Variants in CYP2J2 observed in about 807,000 individuals in gnomAD.
CYP2J2 encodes cytochrome P450 2J2.
CYP2J2 carries 41 observed loss-of-function variants against 48.8 expected under a neutral mutation model. The ratio of observed to expected loss-of-function variants is 0.84; its 90% CI spans 0.66 to 1.09. CYP2J2 has a LOEUF of 1.09. Among genes scored for constraint, CYP2J2 ranks in the 50% least tolerant of loss-of-function variants. The pLI is 0.00. For missense variants in CYP2J2, 644 were observed against 617.3 expected, an observed-to-expected ratio of 1.04 and a Z score of -0.46; for synonymous variants, 221 against 227.1, an observed-to-expected ratio of 0.97 and a Z score of 0.24.
the CYP2J2 span, among the ~76,000 whole-genome samples, chr1:59,953,239 G>T: frequency 1.5e-3 from 230 of 152,106 alleles, no homozygotes; most frequent in Non-Finnish European, 2.5e-3. Flanking sequence ...TCTAAATAAG[G>T]CTTGTGATTG....
At chr1:59,898,141 A>G (rs983882014) in intron 8 of CYP2J2, among the ~76,000 whole-genome samples, 1 of 152,198 alleles carries the variant, frequency 6.6e-6, no homozygotes, top group African/African-American at 2.4e-5. Context: ...GATCCACATC[A>G]TTTGCAATGC....
the CYP2J2 span, among the ~76,000 whole-genome samples, chr1:59,954,908 G>A: frequency 6.6e-6 from 1 of 151,982 alleles, no homozygotes; most frequent in South Asian, 2.1e-4. Context: ...AGGATGAGGT[G>A]GGCGGATCAC....
At chr1:59,942,418 C>T in the CYP2J2 span, among the ~76,000 whole-genome samples, 1 of 151,994 alleles carries the variant, frequency 6.6e-6, no homozygotes, top group African/African-American at 2.4e-5. Flanking sequence ...AGAATCTTGG[C>T]ATATTCCTGT....
At chr1:59,896,320 CACACCAAGTATATATATATATAT>C (rs1409816109) in intron 8 of CYP2J2, among the ~76,000 whole-genome samples, 1 of 149,758 alleles carries the variant, frequency 6.7e-6, no homozygotes, top group East Asian at 1.9e-4. Flanking sequence ...TATATATATA[CACACCAAGTATATATATATATAT>C]ACACCAAATA....
intron 1 of CYP2J2, 21 bp from the exon 2 acceptor site, chr1:59,916,121 A>T (rs1228787918): frequency 1.2e-6 from 2 of 1,600,960 alleles, no homozygotes; most frequent in South Asian, 2.2e-5. Context: ...GTTAAATCGT[A>T]ACAGTTGAAT....
Position 59,912,386 on chromosome 1 carries a change from G to C in CYP2J2, c.374-75C>G. Reference sequence around the variant, plus strand: ...TATCCAGCAAATGATATGGGAATGTGTATCAGATGAAGGACAGGAGAAGAT... The same window carrying C: ...TATCCAGCAAATGATATGGGAATGTCTATCAGATGAAGGACAGGAGAAGAT... On this transcript the variant is annotated intron_variant, in intron 2 of 8. Transcript: ENST00000371204. 2.0e-6 allele frequency: 3 copies of C among 1,474,834 alleles called. No homozygotes were observed. The South Asian group carries it at 3.9e-5, about 19-fold the overall frequency. The allele number at this position is 1,474,834 out of a possible 1,614,324, so 91.4% of individuals were successfully genotyped here. A position where few individuals can be genotyped will look rare whatever the true frequency, so the allele number is the denominator to read the frequency against.
chr1:59,965,663 T>C, the CYP2J2 span, among the ~76,000 whole-genome samples: 4,416 of 152,104 alleles, frequency 0.029, 212 homozygotes, highest in African/African-American at 0.1. Context: ...TCTGTTTTTT[T>C]GTTTTTGAGA....
rs1313119517 is a variant in CYP2J2, at chr1:59,901,064, C to G, written c.1231G>C (p.Asp411His). ...TCAGGGGTGGCCCACTCTGTGGGGT[C>G]CCTGTGCAGCGCCGTCAAATTGGTC... is the stretch of plus-strand genomic sequence containing the variant. The part of the protein sequence containing the change: ...ILTNLTALHR[D>H]PTEWATPDTF... The change falls in exon 8 of 9, where the codon GAC (aspartate) becomes CAC (histidine). Residue 411 changes from aspartate to histidine, a missense_variant. Asp to His is a moderately conservative substitution (Grantham distance 81). Transcript: ENST00000371204. The G allele has an allele frequency of 6.2e-7, 1 of 1,613,942 alleles. No homozygotes were observed. The highest frequency in any genetic ancestry group is 8.5e-7 in the Non-Finnish European group (1 of 1,179,990).
chr1:59,932,243 A>T, the CYP2J2 span, among the ~76,000 whole-genome samples: 9 of 152,268 alleles, frequency 5.9e-5, no homozygotes, highest in East Asian at 1.7e-3. Flanking sequence ...CATAGGAAAA[A>T]AATCATTACT....
chr1:59,958,524 G>GCCACTTGC, the CYP2J2 span, among the ~76,000 whole-genome samples: 35,788 of 151,738 alleles, frequency 0.24, 5,490 homozygotes, highest in African/African-American at 0.45. Flanking sequence ...CCTTCTCATT[G>GCCACTTGC]CCTTTCCTTC....
At chr1:59,962,879 G>A in the CYP2J2 span, among the ~76,000 whole-genome samples, 6 of 152,174 alleles carry the variant, frequency 3.9e-5, no homozygotes, top group Non-Finnish European at 7.3e-5. Flanking sequence ...TTTGAGAAAA[G>A]TCCATTCCAG....
At chr1:59,968,175 C>T in the CYP2J2 span, among the ~76,000 whole-genome samples, 1 of 152,182 alleles carries the variant, frequency 6.6e-6, no homozygotes, top group African/African-American at 2.4e-5. Context: ...GTTGGTACTG[C>T]CTGACTCTTT....
At chr1:59,903,269 TC>T (rs1395700112) in intron 7 of CYP2J2, among the ~76,000 whole-genome samples, 1 of 152,118 alleles carries the variant, frequency 6.6e-6, no homozygotes, top group African/African-American at 2.4e-5. Context: ...CAGACTGGAA[TC>T]GATCCACGGA....
intron 1 of CYP2J2, 45 bp downstream of exon 1, chr1:59,926,492 C>G (rs1414486266): frequency 6.5e-7 from 1 of 1,538,264 alleles, no homozygotes; most frequent in South Asian, 1.1e-5. Context: ...TGCTGCAGAA[C>G]AGAGTTAGGG....
chr1:59,917,591 A>T (rs1457274505), intron 1 of CYP2J2, among the ~76,000 whole-genome samples: 1 of 152,186 alleles, frequency 6.6e-6, no homozygotes, highest in East Asian at 1.9e-4. Flanking sequence ...GGAGTGACAG[A>T]GTGAAAGTAA....
intron 5 of CYP2J2, among the ~76,000 whole-genome samples, chr1:59,908,220 G>A (rs1182847784): frequency 6.6e-6 from 1 of 152,148 alleles, no homozygotes; most frequent in African/African-American, 2.4e-5. Flanking sequence ...GGATGTGAAC[G>A]AGACAGATTT....
At chr1:59,935,130 T>C in the CYP2J2 span, among the ~76,000 whole-genome samples, 1 of 148,140 alleles carries the variant, frequency 6.8e-6, no homozygotes, top group Non-Finnish European at 1.5e-5. Context: ...GTGGAGGACA[T>C]TATGCTAAAT....
Position 59,926,615 on chromosome 1 carries a change from C to G in CYP2J2, c.132G>C (p.Pro44=). 1.9e-6 allele frequency: 3 copies of G among 1,614,158 alleles called. No homozygotes were observed. Among genetic ancestry groups the G allele is most frequent in the Non-Finnish European group, 2.5e-6 (3 of 1,180,022 alleles). Residue 44 remains proline, a synonymous_variant, in exon 1 of 9, where the codon CCG becomes CCC. Transcript: ENST00000371204. ...GGAAGGGCAGGCGCCAGGGCCCCGG[C>G]GGGTAGTTCTTTGGGCGCCGTCTTT... ...FLKRRRPKNY[P]PGPWRLPFLG...
the CYP2J2 span, among the ~76,000 whole-genome samples, chr1:59,949,146 T>C: frequency 2.8e-4 from 42 of 152,338 alleles, no homozygotes; most frequent in African/African-American, 1.0e-3. Flanking sequence ...GTCTCTGTTG[T>C]TGCCTATATT....
Sources: allele counts gnomAD v4.1 joint callset (sites outside exome capture counted in the v4.1 genomes callset), GRCh38; gene constraint gnomAD v4.1.1; transcripts MANE v1.5; gene names NCBI Gene and HGNC (gene_info 2026-07-23, HGNC 2026-07-21).